CAPRIN1: variants seen among roughly 807,000 people sequenced by gnomAD.
The protein encoded by CAPRIN1 is caprin-1.
Under a neutral mutation model 100.9 loss-of-function variants are expected in CAPRIN1, and 29 were observed. That is an observed-to-expected ratio of 0.29 (90% CI 0.21 to 0.39). The LOEUF is 0.39. Ranked by LOEUF, CAPRIN1 falls within the 10% of genes least tolerant of loss-of-function variation. The probability of loss-of-function intolerance (pLI) is 1.00; values close to 1 mark genes in which losing one functional copy is unlikely to be tolerated. For synonymous variants in CAPRIN1, 338 were observed against 307.5 expected (o/e 1.10, Z -1.04); for missense variants, 795 against 876.7 (o/e 0.91, Z 1.18).
intron 12 of CAPRIN1, 51 bp from the exon 13 acceptor site, chr11:34,090,128 C>T (rs368000034): frequency 5.1e-6 from 6 of 1,169,452 alleles, no homozygotes; most frequent in Non-Finnish European, 6.3e-6. Context: ...GTTTTTTTAA[C>T]AGTCAATTTT....
At chr11:34,057,295 G>T (rs966597320) in intron 2 of CAPRIN1, among the ~76,000 whole-genome samples, 1 of 152,174 alleles carries the variant, frequency 6.6e-6, no homozygotes, top group African/African-American at 2.4e-5. Context: ...CCCTTTGCTT[G>T]ACTGTGTGTG....
intron 9 of CAPRIN1, among the ~76,000 whole-genome samples, chr11:34,085,665 G>A (rs975127068): frequency 2.6e-5 from 4 of 152,110 alleles, no homozygotes; most frequent in South Asian, 4.2e-4. Flanking sequence ...TTAGCCGGGT[G>A]TGTTGATGGG....
intron 7 of CAPRIN1, 73 bp from the exon 8 acceptor site, chr11:34,082,752 A>C (rs1222254126): frequency 2.2e-5 from 23 of 1,031,514 alleles, no homozygotes; most frequent in Non-Finnish European, 3.4e-5. Flanking sequence ...TGTATCTACC[A>C]ATATCACACA....
At chr11:34,061,126 G>A (rs1850568214) in intron 2 of CAPRIN1, among the ~76,000 whole-genome samples, 1 of 151,142 alleles carries the variant, frequency 6.6e-6, no homozygotes, top group African/African-American at 2.4e-5. Context: ...TTGGACAAAC[G>A]GCTTGTGAAA....
chr11:34,076,727 A>G (rs1393968098), intron 6 of CAPRIN1, 85 bp downstream of exon 6: 2 of 1,014,250 alleles, frequency 2.0e-6, no homozygotes, highest in African/African-American at 1.7e-5. Flanking sequence ...ACTTGGAAGA[A>G]AAAAATTAGT....
intron 2 of CAPRIN1, among the ~76,000 whole-genome samples, chr11:34,066,332 T>C (rs1272479678): frequency 6.6e-6 from 1 of 151,736 alleles, no homozygotes; most frequent in Non-Finnish European, 1.5e-5. Flanking sequence ...TTTTTATTTA[T>C]TTATTTATTT....
At chr11:34,098,330 CCTAA>C (rs751264488) in intron 18 of CAPRIN1, 1 of 984,402 alleles carries the variant, frequency 1.0e-6, no homozygotes. Context: ...CTCCCAAATT[CCTAA>C]CTTATTGAGC....
intron 7 of CAPRIN1, among the ~76,000 whole-genome samples, chr11:34,082,360 T>C (rs1851050305): frequency 6.6e-6 from 1 of 152,116 alleles, no homozygotes; most frequent in African/African-American, 2.4e-5. Flanking sequence ...GCTAATTTTT[T>C]GCATTTTTAG....
intron 4 of CAPRIN1, among the ~76,000 whole-genome samples, chr11:34,072,581 T>TAGCCTTCCTC (rs1850824190): frequency 6.6e-6 from 1 of 152,166 alleles, no homozygotes; most frequent in East Asian, 1.9e-4. Context: ...TTTAGGAACC[T>TAGCCTTCCTC]TAAGGGGTAT....
intron 2 of CAPRIN1, among the ~76,000 whole-genome samples, chr11:34,060,126 G>T (rs899888723): frequency 1.4e-5 from 2 of 145,892 alleles, no homozygotes; most frequent in Non-Finnish European, 3.0e-5. Flanking sequence ...AACCTGGGAG[G>T]CAGACGTTGC....
chr11:34,071,551 G>A (rs1449642222), intron 2 of CAPRIN1, among the ~76,000 whole-genome samples, 175 bp from the exon 3 acceptor site: 5 of 151,516 alleles, frequency 3.3e-5, no homozygotes, highest in South Asian at 2.1e-4. Context: ...GGTGACGAGC[G>A]AAACTCTGTC....
At chr11:34,081,142 T>A (rs1306446224) in intron 7 of CAPRIN1, among the ~76,000 whole-genome samples, 3 of 152,134 alleles carry the variant, frequency 2.0e-5, no homozygotes, top group Admixed American at 6.6e-5. Flanking sequence ...TATAAATAAG[T>A]TTGTAAGTAA....
intron 9 of CAPRIN1, 23 bp downstream of exon 9, chr11:34,083,064 AGTT>A (rs761392529): frequency 1.9e-6 from 3 of 1,546,460 alleles, no homozygotes; most frequent in South Asian, 1.1e-5. Context: ...TGTATTGCAA[AGTT>A]GTTGTCTTTG....
At chr11:34,094,528 A>T (rs1851327492) in intron 15 of CAPRIN1, among the ~76,000 whole-genome samples, 1 of 149,072 alleles carries the variant, frequency 6.7e-6, no homozygotes, top group Admixed American at 6.6e-5. Flanking sequence ...AATAAAATGA[A>T]GGCTGGGTGT....
chr11:34,072,389 A>G (rs939308001), intron 4 of CAPRIN1, among the ~76,000 whole-genome samples: 1 of 152,128 alleles, frequency 6.6e-6, no homozygotes, highest in Non-Finnish European at 1.5e-5. Context: ...AACCATGTAT[A>G]GTAGCTATGC....
chr11:34,079,623 C>G lies in CAPRIN1; in HGVS notation c.689-5C>G. The stretch of plus-strand genomic sequence containing the variant: ...TTACATTATAATTCATGTTCTTTTT[C>G]TTAGATAAAGTTCTAAAGGAAATTG... On this transcript the variant is annotated splice_region_variant and splice_polypyrimidine_tract_variant and intron_variant, in intron 6 of 18. Transcript: ENST00000341394. 1 of 1,611,062 alleles carries G rather than the reference C, an allele frequency of 6.2e-7. No individual in the cohort carries two copies. Among genetic ancestry groups the G allele is most frequent in the Non-Finnish European group, 8.5e-7 (1 of 1,178,066 alleles).
At chr11:34,080,860 T>C (rs1851015585) in intron 7 of CAPRIN1, among the ~76,000 whole-genome samples, 1 of 152,226 alleles carries the variant, frequency 6.6e-6, no homozygotes, top group African/African-American at 2.4e-5. Flanking sequence ...AGGTTGAAAC[T>C]AGAAGTGAAG....
At chr11:34,098,694 G>T in intron 18 of CAPRIN1, 2 of 985,370 alleles carry the variant, frequency 2.0e-6, no homozygotes, top group South Asian at 9.4e-5. Context: ...GCATGTGAAT[G>T]TGGGTTATGT....
intron 11 of CAPRIN1, among the ~76,000 whole-genome samples, chr11:34,088,072 G>A (rs1851185718): frequency 3.3e-5 from 5 of 152,034 alleles, no homozygotes; most frequent in Admixed American, 3.3e-4. Context: ...TTCTTGGCTC[G>A]GCACGCTGCA....
Sources: gnomAD v4.1 joint callset for allele counts (sites outside exome capture counted in the v4.1 genomes callset) on GRCh38, gnomAD v4.1.1 for gene constraint, MANE v1.5 for transcripts, NCBI Gene and HGNC (gene_info 2026-07-23, HGNC 2026-07-21) for gene names.